PNMA6F: variants seen among roughly 807,000 people sequenced by gnomAD.
The protein encoded by PNMA6F is paraneoplastic antigen Ma6F.
For missense variants in PNMA6F, 57 were observed against 10.8 expected (o/e 5.25, Z -5.98); for synonymous variants, 14 against 3.4 (o/e 4.15, Z -3.45).
Position 153,319,131 on chromosome X carries a change from G to T in PNMA6F, c.1544C>A (p.Ala515Asp), listed in dbSNP as rs782159502. 1.7e-5 allele frequency: 5 copies of T among 298,284 alleles called. No individual in the cohort carries two copies. The East Asian group carries it at 1.9e-4, about 11-fold the overall frequency. 24.6% of individuals were successfully genotyped at this position (298,284 alleles called of 1,213,427 possible). The change falls in exon 2 of 2, where the codon GCC becomes GAC. Residue 515 changes from alanine (A) to aspartate (D), a missense_variant. Ala to Asp is a moderately radical substitution (Grantham distance 126). Transcript: ENST00000436629. ...CATGTCGACTGCACTGCCCATCCTGGCTGGGAGGCCCCCAGGGGCGTCGGG... is the reference window on the plus strand; with the variant it reads ...CATGTCGACTGCACTGCCCATCCTGTCTGGGAGGCCCCCAGGGGCGTCGGG... Reference protein sequence around the residue: ...RSPDAPGGLPARMGSAVDMAP... With the variant: ...RSPDAPGGLPDRMGSAVDMAP...
rs1556958697 is a variant in PNMA6F, at chrX:153,319,756, C to T, written c.919G>A (p.Val307Met). The change falls in exon 2 of 2, where the codon GTG becomes ATG. Residue 307 changes from valine (V) to methionine (M), a missense_variant. By Grantham distance (21) the Val-to-Met change is conservative. Transcript: ENST00000436629. ...DSLDGLALDI[V>M]SGLLEEDPDF... ...GGATCTTCCTCCAGGAGGCCGCTCACGATATCCAGGGCCAGGCCATCCAAG... is the reference window on the plus strand; with the variant it reads ...GGATCTTCCTCCAGGAGGCCGCTCATGATATCCAGGGCCAGGCCATCCAAG... 1.0e-5 allele frequency: 3 copies of T among 299,818 alleles called. No homozygotes were observed. The highest frequency in any genetic ancestry group is 1.7e-5 in the Non-Finnish European group (3 of 171,683). 24.7% of individuals were successfully genotyped at this position (299,818 alleles called of 1,213,427 possible). A position where few individuals can be genotyped will look rare whatever the true frequency, so the allele number is the denominator to read the frequency against.
At position 153,320,142 on chromosome X, in the gene PNMA6F, CCTCCTGCCTCACCTGCTG is replaced by C; in HGVS notation, c.515_532del (p.Ala172_Gly177del). 508 of 352,056 alleles carry C rather than the reference CCTCCTGCCTCACCTGCTG, an allele frequency of 1.4e-3. 3 individuals carry two copies. Among genetic ancestry groups the C allele is most frequent in the Middle Eastern group, 7.0e-3 (9 of 1,294 alleles). The allele number at this position is 352,056 out of a possible 1,213,427, so 29.0% of individuals were successfully genotyped here. ...ACCTGCACCTCCTGCCTCACCTGCA[CCTCCTGCCTCACCTGCTG>C]CTCCTGCCTCACCTGCTGCTCCTGC... is the stretch of plus-strand genomic sequence containing the variant. On this transcript the variant is annotated inframe_deletion, in exon 2 of 2. Coordinates refer to ENST00000436629, the MANE Select transcript of PNMA6F (RefSeq NM_001354980.2).
At position 153,318,754 on chromosome X, in the gene PNMA6F, C is replaced by CA. The variant is rs1352942461; in HGVS notation, c.*183dup. ...CAGAGCTCCCTCCAGGCCAGCTCCC[C>CA]ATTTGGTATCAAACGTGGTCATCTG... On this transcript the variant is annotated 3_prime_UTR_variant, in exon 2 of 2. Coordinates refer to ENST00000436629, the MANE Select transcript of PNMA6F (RefSeq NM_001354980.2). 1 of 292,405 alleles carries CA rather than the reference C, an allele frequency of 3.4e-6. No individual in the cohort carries two copies. Among genetic ancestry groups the CA allele is most frequent in the Non-Finnish European group, 6.0e-6 (1 of 167,543 alleles). The allele number at this position is 292,405 out of a possible 1,213,427, so 24.1% of individuals were successfully genotyped here.
rs935920392 is a variant in PNMA6F at position 153,319,815 on chromosome X, G to A, written c.860C>T (p.Ser287Leu). Residue 287 changes from serine to leucine, a missense_variant, in exon 2 of 2, where the codon TCG becomes TTG. Physicochemically the swap from Ser to Leu is moderately radical, Grantham distance 145. Transcript: ENST00000436629. Reference protein sequence around the residue: ...KDMLQLWCHASERERRRRLLD... With the variant: ...KDMLQLWCHALERERRRRLLD... ...CAGCCGCCTCCTTCTCTCCCTTTCC[G>A]ACGCGTGGCACCACAGCTGCAGCAT... 1.3e-5 allele frequency: 4 copies of A among 299,646 alleles called. No homozygotes were observed. Among genetic ancestry groups the A allele is most frequent in the Non-Finnish European group, 2.3e-5 (4 of 172,410 alleles). The allele number at this position is 299,646 out of a possible 1,213,427, so 24.7% of individuals were successfully genotyped here.
At position 153,320,319 on chromosome X, in the gene PNMA6F, T is replaced by G. The variant is rs2051987853; in HGVS notation, c.356A>C (p.Glu119Ala). 4 of 311,130 alleles carry G rather than the reference T, an allele frequency of 1.3e-5. No individual in the cohort carries two copies. Among genetic ancestry groups the G allele is most frequent in the Non-Finnish European group, 2.2e-5 (4 of 178,610 alleles). The allele number at this position is 311,130 out of a possible 1,213,427, so 25.6% of individuals were successfully genotyped here. The stretch of plus-strand genomic sequence containing the variant: ...TCCTGCCTCACCTGCAGCTCCTGCT[T>G]CACCTGCACCTCTGGCCACTGCTTG... ...QGQAVARGAG[E>A]AGAAGEAGSV... The change falls in exon 2 of 2, where the codon GAA becomes GCA. Residue 119 changes from glutamate (E) to alanine (A), a missense_variant. By Grantham distance (107) the Glu-to-Ala change is moderately radical. Transcript: ENST00000436629.
Position 153,320,739 on chromosome X carries a change from T to C in PNMA6F, c.-65A>G. 1 of 296,859 alleles carries C rather than the reference T, an allele frequency of 3.4e-6. No individual in the cohort carries two copies. The highest frequency in any genetic ancestry group is 5.9e-6 in the Non-Finnish European group (1 of 169,998). 24.5% of individuals were successfully genotyped at this position (296,859 alleles called of 1,213,427 possible). On this transcript the variant is annotated 5_prime_UTR_variant, in exon 2 of 2. Transcript: ENST00000436629. ...ATCAGACAGGAATGTGTGCTGACTGTTGCAGTCTCTGACGCAGCCTGTGAG... is the reference window on the plus strand; with the variant it reads ...ATCAGACAGGAATGTGTGCTGACTGCTGCAGTCTCTGACGCAGCCTGTGAG...
intron 1 of PNMA6F, chrX:153,321,196 T>C (rs782010983): frequency 1.1e-3 from 120 of 107,901 alleles, no homozygotes; most frequent in African/African-American, 3.9e-3. Context: ...CTCCCCCGTC[T>C]CTTTTCCAGC....
At chrX:153,321,471 C>T (rs2088368961) in intron 1 of PNMA6F, 81 bp downstream of exon 1, 1 of 98,498 alleles carries the variant, frequency 1.0e-5, no homozygotes, top group Non-Finnish European at 2.1e-5. Context: ...GACCCCCTCT[C>T]GCGCCCACTG....
rs1376479388 is a variant in PNMA6F at position 153,319,784 on chromosome X, G to C, written c.891C>G (p.Asp297Glu). 3.3e-6 allele frequency: 1 copy of C among 301,796 alleles called. No homozygotes were observed. Among genetic ancestry groups the C allele is most frequent in the Non-Finnish European group, 5.8e-6 (1 of 173,166 alleles). 24.9% of individuals were successfully genotyped at this position (301,796 alleles called of 1,213,427 possible). A position where few individuals can be genotyped will look rare whatever the true frequency, so the allele number is the denominator to read the frequency against. The change falls in exon 2 of 2, where the codon GAC (aspartate) becomes GAG (glutamate). Residue 297 changes from aspartate (D) to glutamate (E), a missense_variant. By Grantham distance (45) the Asp-to-Glu change is conservative (BLOSUM62 2). Coordinates refer to ENST00000436629, the MANE Select transcript of PNMA6F (RefSeq NM_001354980.2). ...TATCCAGGGCCAGGCCATCCAAGCTGTCCAGCAGCCGCCTCCTTCTCTCCC... is the reference window on the plus strand; with the variant it reads ...TATCCAGGGCCAGGCCATCCAAGCTCTCCAGCAGCCGCCTCCTTCTCTCCC... ...SERERRRRLL[D>E]SLDGLALDIV...
In PNMA6F at chrX:153,320,707, G is replaced by C. The variant is rs1336529625; in HGVS notation, c.-33C>G. The C allele has an allele frequency of 1.4e-5, 4 of 295,859 alleles. No individual in the cohort carries two copies. The Admixed American group carries it at 1.8e-4, about 14-fold the overall frequency. The allele number at this position is 295,859 out of a possible 1,213,427, so 24.4% of individuals were successfully genotyped here. ...GCTATCGCAGAGGACTTGAGGGAGG[G>C]AGCCTGATCAGACAGGAATGTGTGC... On this transcript the variant is annotated 5_prime_UTR_variant, in exon 2 of 2. Coordinates refer to ENST00000436629, the MANE Select transcript of PNMA6F (RefSeq NM_001354980.2).
chrX:153,320,893 C>T (rs181201526), intron 1 of PNMA6F, 136 bp from the exon 2 acceptor site: 1 of 267,517 alleles, frequency 3.7e-6, no homozygotes, highest in African/African-American at 2.9e-5. Flanking sequence ...CCATGCACCC[C>T]CAAAGCCCTC....
Position 153,319,024 on chromosome X carries a change from G to A in PNMA6F, c.1651C>T (p.Leu551Phe). 1 of 311,760 alleles carries A rather than the reference G, an allele frequency of 3.2e-6. No homozygotes were observed. Among genetic ancestry groups the A allele is most frequent in the East Asian group, 4.7e-5 (1 of 21,354 alleles). The allele number at this position is 311,760 out of a possible 1,213,427, so 25.7% of individuals were successfully genotyped here. A position where few individuals can be genotyped will look rare whatever the true frequency, so the allele number is the denominator to read the frequency against. Residue 551 changes from leucine (L) to phenylalanine (F), a missense_variant, in exon 2 of 2, where the codon CTC becomes TTC. By Grantham distance (22) the Leu-to-Phe change is conservative. Transcript: ENST00000436629. ...TCTGACTCCTCTAAGATGGGCTTGA[G>A]CCCCTCCTGGGGAGGCTCCTCAGCC... ...QEAEEPPQEG[L>F]KPILEESENE...
chrX:153,318,875 G>C lies in PNMA6F; in HGVS notation c.*63C>G, dbSNP rs970839723. The C allele has an allele frequency of 1.7e-5, 5 of 298,120 alleles. No individual in the cohort carries two copies. The Admixed American group carries it at 3.0e-4, about 18-fold the overall frequency. 24.6% of individuals were successfully genotyped at this position (298,120 alleles called of 1,213,427 possible). A position where few individuals can be genotyped will look rare whatever the true frequency, so the allele number is the denominator to read the frequency against. On this transcript the variant is annotated 3_prime_UTR_variant, in exon 2 of 2. Coordinates refer to ENST00000436629, the MANE Select transcript of PNMA6F (RefSeq NM_001354980.2). ...GGGGTGAGGGACCGGCCCTGGCCTG[G>C]CCTCTGTCTGCCTCCAGGGTGCTGC...
Position 153,320,359 on chromosome X carries a change from C to T in PNMA6F, c.316G>A (p.Ala106Thr). Residue 106 changes from alanine (A) to threonine (T), a missense_variant, in exon 2 of 2, where the codon GCA (alanine) becomes ACA (threonine). Ala to Thr is a moderately conservative substitution (Grantham distance 58). Transcript: ENST00000436629. ...AEFQDIPSFP[A>T]QPQGQAVARG... is the part of the protein sequence containing the mutation. Reference sequence around the variant, plus strand: ...GCCACTGCTTGCCCCTGGGGCTGTGCAGGGAAACTGGGTATATCCTGAAAC... The same window carrying T: ...GCCACTGCTTGCCCCTGGGGCTGTGTAGGGAAACTGGGTATATCCTGAAAC... 2 of 303,687 alleles carry T rather than the reference C, an allele frequency of 6.6e-6. No individual in the cohort carries two copies. Among genetic ancestry groups the T allele is most frequent in the Admixed American group, 5.9e-5 (1 of 16,893 alleles). The allele number at this position is 303,687 out of a possible 1,213,427, so 25.0% of individuals were successfully genotyped here.
chrX:153,319,850 G>A lies in PNMA6F; in HGVS notation c.825C>T (p.Asp275=), dbSNP rs182064772. The A allele has an allele frequency of 2.3e-4, 68 of 301,409 alleles. No individual in the cohort carries two copies. The East Asian group carries it at 2.5e-3, about 11-fold the overall frequency. 24.8% of individuals were successfully genotyped at this position (301,409 alleles called of 1,213,427 possible). A position where few individuals can be genotyped will look rare whatever the true frequency, so the allele number is the denominator to read the frequency against. The part of the protein sequence containing the change: ...VEESFESWLE[D]AKDMLQLWCH... ...ACCACAGCTGCAGCATATCCTTGGC[G>A]TCCTCCAACCAGCTCTCAAAGGACT... Residue 275 remains aspartate (D), a synonymous_variant, in exon 2 of 2, where the codon GAC becomes GAT. Coordinates refer to ENST00000436629, the MANE Select transcript of PNMA6F (RefSeq NM_001354980.2).
chrX:153,319,391 G>A lies in PNMA6F; in HGVS notation c.1284C>T (p.Ala428=), dbSNP rs782544758. Residue 428 remains alanine, a synonymous_variant, in exon 2 of 2, where the codon GCC becomes GCT. Transcript: ENST00000436629. Reference sequence around the variant, plus strand: ...CACCCTGCTGGCTCCTTGCTAGGGAGGCTGCCCACGCCTCCATGTCCCGGA... The same window carrying A: ...CACCCTGCTGGCTCCTTGCTAGGGAAGCTGCCCACGCCTCCATGTCCCGGA... ...RLIRDMEAWA[A]SLARSQQGVA... is the part of the protein sequence containing the mutation. 76 of 297,055 alleles carry A rather than the reference G, an allele frequency of 2.6e-4. 1 individual carries two copies. In the South Asian group the frequency reaches 9.9e-3, roughly 39 times the overall value. The allele number at this position is 297,055 out of a possible 1,213,427, so 24.5% of individuals were successfully genotyped here.
At position 153,319,190 on chromosome X, in the gene PNMA6F, AGG is replaced by A. The variant is rs1556958589; in HGVS notation, c.1483_1484del (p.Pro495CysfsTer4). The A allele has an allele frequency of 6.7e-6, 2 of 297,690 alleles. No homozygotes were observed. Among genetic ancestry groups the A allele is most frequent in the Non-Finnish European group, 1.2e-5 (2 of 170,408 alleles). The allele number at this position is 297,690 out of a possible 1,213,427, so 24.5% of individuals were successfully genotyped here. On this transcript the variant is annotated frameshift_variant, in exon 2 of 2. Coordinates refer to ENST00000436629, the MANE Select transcript of PNMA6F (RefSeq NM_001354980.2). LOFTEE classifies it low-confidence loss of function (END_TRUNC). The stretch of plus-strand genomic sequence containing the variant: ...CCTGACCTAGGCCTTCAAGGCCTGC[AGG>A]GGCATTTTCATCTTCCCCAGTGGCA... The part of the protein sequence containing the change: ...APATGEDENA[P>X]AGLEGLGQGR...
At position 153,318,969 on chromosome X, in the gene PNMA6F, GC is replaced by G; in HGVS notation, c.1705del (p.Ala569ArgfsTer13). The G allele has an allele frequency of 6.7e-6, 2 of 300,319 alleles. No individual in the cohort carries two copies. Among genetic ancestry groups the G allele is most frequent in the Non-Finnish European group, 1.2e-5 (2 of 171,934 alleles). 24.7% of individuals were successfully genotyped at this position (300,319 alleles called of 1,213,427 possible). ...GCCCGGGGGGGACTTGGGCTTGCCC[GC>G]CTCCCCAGCCCCATCCTCATCCTCG... The part of the protein sequence containing the change: ...ENEDEDGAGE[A>X]GKPKSPPGK On this transcript the variant is annotated frameshift_variant, in exon 2 of 2. Transcript: ENST00000436629. LOFTEE classifies it low-confidence loss of function (END_TRUNC).
Position 153,320,463 on chromosome X carries a change from T to C in PNMA6F, c.212A>G (p.Gln71Arg), listed in dbSNP as rs1321007424. Residue 71 changes from glutamine (Q) to arginine (R), a missense_variant, in exon 2 of 2, where the codon CAA (glutamine) becomes CGA (arginine). Gln to Arg is a conservative substitution (Grantham distance 43). Transcript: ENST00000436629. The part of the protein sequence containing the change: ...ALVEFAEGLN[Q>R]SLIPRQIAGK... ...TGCTATTTGGCGGGGAATCAAGCTT[T>C]GGTTTAAACCCTCAGCGAATTCCAC... 6 of 295,924 alleles carry C rather than the reference T, an allele frequency of 2.0e-5. No individual in the cohort carries two copies. The highest frequency in any genetic ancestry group is 3.5e-5 in the Non-Finnish European group (6 of 170,260). 24.4% of individuals were successfully genotyped at this position (295,924 alleles called of 1,213,427 possible). A position where few individuals can be genotyped will look rare whatever the true frequency, so the allele number is the denominator to read the frequency against.
Sources: gnomAD v4.1 joint callset for allele counts on GRCh38, gnomAD v4.1.1 for gene constraint, MANE v1.5 for transcripts, NCBI Gene and HGNC (gene_info 2026-07-23, HGNC 2026-07-21) for gene names.